Variants in ZMYM1 observed in about 807,000 individuals in gnomAD.
The protein encoded by ZMYM1 is zinc finger MYM-type protein 1.
ZMYM1 carries 39 observed loss-of-function variants against 60.0 expected under a neutral mutation model. That is an observed-to-expected ratio of 0.65 (90% confidence interval 0.50 to 0.85). ZMYM1 has a LOEUF of 0.85. Among genes scored for constraint, ZMYM1 ranks in the 40% least tolerant of loss-of-function variants. ZMYM1 has a pLI of 0.00. For synonymous variants in ZMYM1, 413 were observed against 454.0 expected (o/e 0.91, Z 1.15); for missense variants, 1,171 against 1,309.5 (o/e 0.89, Z 1.63).
chr1:35,112,225 T>G, intron 9 of ZMYM1, 95 bp downstream of exon 9: 1 of 1,253,184 alleles, frequency 8.0e-7, no homozygotes, highest in Non-Finnish European at 1.2e-6. Flanking sequence ...CCACCCAAGC[T>G]GGAGTGCAGT....
chr1:35,078,237 G>C (rs990297279), upstream of ZMYM1, among the ~76,000 whole-genome samples: 1 of 152,094 alleles, frequency 6.6e-6, no homozygotes, highest in African/African-American at 2.4e-5. Context: ...TAGATTTGAG[G>C]CTAATTCCAA....
upstream of ZMYM1, among the ~76,000 whole-genome samples, chr1:35,077,000 C>G (rs1642179737): frequency 1.3e-5 from 2 of 151,932 alleles, no homozygotes; most frequent in Admixed American, 1.3e-4. Context: ...CCAGAGCTCT[C>G]CTCCTATTCC....
intron 1 of ZMYM1, among the ~76,000 whole-genome samples, chr1:35,079,866 C>T (rs990177286): frequency 3.3e-5 from 5 of 152,228 alleles, no homozygotes; most frequent in Admixed American, 6.5e-5. Context: ...AATCCCGACA[C>T]TTTGGGAGGC....
intron 1 of ZMYM1, among the ~76,000 whole-genome samples, chr1:35,084,373 G>A (rs1557643611): frequency 6.6e-6 from 1 of 152,012 alleles, no homozygotes; most frequent in Non-Finnish European, 1.5e-5. Context: ...AATTATTACT[G>A]GATTCTGGAA....
intron 3 of ZMYM1, among the ~76,000 whole-genome samples, chr1:35,096,826 A>T (rs545854854): frequency 6.6e-6 from 1 of 152,238 alleles, no homozygotes; most frequent in Non-Finnish European, 1.5e-5. Context: ...CAGCCTCCCG[A>T]GTAGCTGGGA....
chr1:35,075,585 G>A (rs570362159), upstream of ZMYM1, among the ~76,000 whole-genome samples: 19 of 152,244 alleles, frequency 1.2e-4, no homozygotes, highest in South Asian at 4.0e-3. Flanking sequence ...AAGAGTTGTA[G>A]AGGCTGCCCC....
At chr1:35,076,754 G>A (rs12083973), upstream of ZMYM1, among the ~76,000 whole-genome samples, 5,073 of 151,914 alleles carry the variant, frequency 0.033, 258 homozygotes, top group African/African-American at 0.12. Flanking sequence ...CCAACATGGC[G>A]AAACCCCATC....
chr1:35,081,433 C>G, intron 1 of ZMYM1, among the ~76,000 whole-genome samples: 1 of 151,654 alleles, frequency 6.6e-6, no homozygotes, highest in East Asian at 1.9e-4. Context: ...ATTGTATATA[C>G]ATTAGAATTA....
chr1:35,112,606 TTATA>T (rs1451176962), intron 9 of ZMYM1, among the ~76,000 whole-genome samples: 4 of 146,660 alleles, frequency 2.7e-5, no homozygotes, highest in African/African-American at 7.4e-5. Context: ...TATATTATAT[TTATA>T]TATTTAATAT....
chr1:35,096,718 C>T (rs553609241), intron 3 of ZMYM1, among the ~76,000 whole-genome samples: 13 of 151,976 alleles, frequency 8.6e-5, no homozygotes, highest in African/African-American at 2.7e-4. Flanking sequence ...TGTTTTGAGA[C>T]GGAGTCTCGC....
chr1:35,060,143 GTTATTATTATTATTATTATTATTA>G (rs144363831), intron 1 of ZMYM1, among the ~76,000 whole-genome samples: 2 of 144,100 alleles, frequency 1.4e-5, no homozygotes, highest in African/African-American at 5.1e-5. Flanking sequence ...ACTATTTGTT[GTTATTATTATTATTATTATTATTA>G]TTATTATTAT....
intron 6 of ZMYM1, among the ~76,000 whole-genome samples, chr1:35,105,126 C>CTTTTTTTTTTTTTT (rs1029051953): frequency 7.2e-5 from 7 of 96,580 alleles, no homozygotes; most frequent in East Asian, 5.7e-4. Flanking sequence ...TTATTTCTTT[C>CTTTTTTTTTTTTTT]TTTTTTTTTT....
intron 1 of ZMYM1, among the ~76,000 whole-genome samples, chr1:35,061,820 T>TTA (rs1553135395): frequency 6.9e-6 from 1 of 145,574 alleles, no homozygotes; most frequent in Admixed American, 6.8e-5. Context: ...TCCCTTTTAT[T>TTA]TTTATTTATT....
At chr1:35,078,537 ATTTT>A (rs751468260), upstream of ZMYM1, among the ~76,000 whole-genome samples, 23 of 82,212 alleles carry the variant, frequency 2.8e-4, no homozygotes, top group African/African-American at 7.6e-4. Flanking sequence ...GGTTATTTTA[ATTTT>A]TTTTTTTTTT....
upstream of ZMYM1, among the ~76,000 whole-genome samples, chr1:35,077,725 C>T (rs1642191529): frequency 6.6e-6 from 1 of 152,214 alleles, no homozygotes; most frequent in Non-Finnish European, 1.5e-5. Flanking sequence ...CCAATCAGCG[C>T]TTCTGGCTCA....
chr1:35,114,819 C>G lies in ZMYM1; in HGVS notation c.2989C>G (p.Leu997Val). The G allele has an allele frequency of 6.2e-7, 1 of 1,604,772 alleles. No homozygotes were observed. The highest frequency in any genetic ancestry group is 8.5e-7 in the Non-Finnish European group (1 of 1,176,586). ...DYCKIKQISE[L>V]LFKWNEPLNE... ...TTGCAAAATAAAGCAAATTTCAGAA[C>G]TGTTATTTAAATGGAATGAACCATT... Residue 997 changes from leucine to valine, a missense_variant, in exon 10 of 10, where the codon CTG becomes GTG. Physicochemically the swap from Leu to Val is conservative, Grantham distance 32 (BLOSUM62 1). Transcript: ENST00000359858.
At chr1:35,074,077 C>G (rs543905171) in intron 1 of ZMYM1, among the ~76,000 whole-genome samples, 1 of 152,172 alleles carries the variant, frequency 6.6e-6, no homozygotes, top group Non-Finnish European at 1.5e-5. Context: ...TATGAACCAC[C>G]GTGGCTGCCC....
chr1:35,093,023 G>A (rs767965787), intron 1 of ZMYM1, among the ~76,000 whole-genome samples: 11 of 152,144 alleles, frequency 7.2e-5, no homozygotes, highest in Non-Finnish European at 1.2e-4. Context: ...CATTTTAGAA[G>A]CAGGTAAAAT....
At chr1:35,079,560 CGG>C (rs1418707621) in intron 1 of ZMYM1, 118 bp downstream of exon 1, 3 of 152,458 alleles carry the variant, frequency 2.0e-5, no homozygotes, top group Non-Finnish European at 4.4e-5. Context: ...GTTTTAGAGA[CGG>C]AGCTTTGAGT....
Sources: allele counts gnomAD v4.1 joint callset (sites outside exome capture counted in the v4.1 genomes callset), GRCh38; gene constraint gnomAD v4.1.1; transcripts MANE v1.5; gene names NCBI Gene and HGNC (gene_info 2026-07-23, HGNC 2026-07-21).